GABBR2: variants seen among roughly 807,000 people sequenced by gnomAD.
The protein encoded by GABBR2 is gamma-aminobutyric acid type B receptor subunit 2, also known as G-protein coupled receptor 51.
GABBR2 carries 23 observed loss-of-function variants against 105.6 expected under a neutral mutation model. The observed-to-expected ratio is 0.22, with a 90% CI of 0.16 to 0.31. GABBR2 has a LOEUF of 0.31. Among genes scored for constraint, GABBR2 ranks in the 10% least tolerant of loss-of-function variants. The probability of loss-of-function intolerance (pLI) is 1.00; values close to 1 mark genes in which losing one functional copy is unlikely to be tolerated. For missense variants in GABBR2, 734 were observed against 1,245.5 expected (o/e 0.59, Z 6.18); for synonymous variants, 478 against 499.7 (o/e 0.96, Z 0.58).
chr9:98,330,384 C>A (rs996308567), intron 13 of GABBR2, among the ~76,000 whole-genome samples: 2 of 152,210 alleles, frequency 1.3e-5, no homozygotes, highest in Non-Finnish European at 2.9e-5. Flanking sequence ...ATATTTCATA[C>A]ATGGAGGAGA....
chr9:98,563,870 T>C (rs1035780928), intron 2 of GABBR2, among the ~76,000 whole-genome samples: 1 of 152,324 alleles, frequency 6.6e-6, no homozygotes, highest in East Asian at 1.9e-4. Flanking sequence ...AATTCACAAC[T>C]AATGTAGACT....
chr9:98,487,935 A>G (rs905852030), intron 4 of GABBR2, among the ~76,000 whole-genome samples: 1 of 152,204 alleles, frequency 6.6e-6, no homozygotes, highest in African/African-American at 2.4e-5. Context: ...TAGCCAGGTG[A>G]TAATGTATTC....
At chr9:98,633,156 T>C (rs1829835776) in intron 1 of GABBR2, among the ~76,000 whole-genome samples, 1 of 152,178 alleles carries the variant, frequency 6.6e-6, no homozygotes, top group Non-Finnish European at 1.5e-5. Flanking sequence ...TCAGCTTTCA[T>C]GAGCCAGTAC....
chr9:98,510,735 T>C (rs1174838990), intron 3 of GABBR2, among the ~76,000 whole-genome samples: 1 of 151,514 alleles, frequency 6.6e-6, no homozygotes, highest in Non-Finnish European at 1.5e-5. Context: ...CCTAAATATA[T>C]ATGCACCCAA....
At chr9:98,311,044 G>T in intron 14 of GABBR2, 51 bp downstream of exon 14, 1 of 972,752 alleles carries the variant, frequency 1.0e-6, no homozygotes, top group Non-Finnish European at 1.7e-6. Flanking sequence ...GGAGACAGAG[G>T]CCCAACAAAG....
chr9:98,697,898 G>A (rs337548), intron 1 of GABBR2, among the ~76,000 whole-genome samples: 106,636 of 152,108 alleles, frequency 0.7, 38,676 homozygotes, highest in Middle Eastern at 0.84. Context: ...GTGGGCATGC[G>A]GGTCCCCATC....
rs1198468287 is a variant in GABBR2, at chr9:98,598,349, C to T, written c.322-20277G>A. Among the ~76,000 whole-genome samples the T allele has an allele frequency of 3.9e-5, 6 of 152,216 alleles. No homozygotes were observed. In the East Asian group the frequency reaches 5.8e-4, roughly 15 times the overall value. On this transcript the variant is annotated intron_variant, in intron 1 of 18. Transcript: ENST00000259455. ...ACAGGTAGAAAGTATGAGATTCATA[C>T]GCCACACCCATTGCATCCTCCACAC... is the stretch of plus-strand genomic sequence containing the variant.
At chr9:98,626,180 C>T (rs1429382389) in intron 1 of GABBR2, among the ~76,000 whole-genome samples, 3 of 152,198 alleles carry the variant, frequency 2.0e-5, no homozygotes, top group Non-Finnish European at 4.4e-5. Flanking sequence ...TTATAGGAAA[C>T]GTCCAGAATA....
chr9:98,653,107 C>A (rs1263213989), intron 1 of GABBR2, among the ~76,000 whole-genome samples: 1 of 152,258 alleles, frequency 6.6e-6, no homozygotes, highest in African/African-American at 2.4e-5. Flanking sequence ...AGCAATCCCA[C>A]TGCCTCAGCC....
At chr9:98,498,654 A>C (rs981624754) in intron 3 of GABBR2, among the ~76,000 whole-genome samples, 3 of 152,244 alleles carry the variant, frequency 2.0e-5, no homozygotes, top group Non-Finnish European at 2.9e-5. Context: ...AATGCTTGAA[A>C]TGCCTTGTGA....
At chr9:98,644,130 C>T (rs1308208939) in intron 1 of GABBR2, among the ~76,000 whole-genome samples, 1 of 152,250 alleles carries the variant, frequency 6.6e-6, no homozygotes, top group African/African-American at 2.4e-5. Context: ...TCCGGATCTT[C>T]ACATTGCCCA....
chr9:98,436,348 CATATATATATATATATATATATAT>C (rs1158239322), intron 7 of GABBR2, among the ~76,000 whole-genome samples: 302 of 7,586 alleles, frequency 0.04, 5 homozygotes, highest in Non-Finnish European at 0.07. Context: ...ACACACACAC[CATATATATATATATATATATATAT>C]ATATATATAT....
chr9:98,370,840 G>T (rs1052807368), intron 12 of GABBR2, among the ~76,000 whole-genome samples: 1 of 152,084 alleles, frequency 6.6e-6, no homozygotes, highest in Non-Finnish European at 1.5e-5. Context: ...ATACCAAACC[G>T]CACGGGTGGC....
intron 17 of GABBR2, among the ~76,000 whole-genome samples, 158 bp from the exon 18 acceptor site, chr9:98,294,060 C>T (rs1478021811): frequency 1.3e-5 from 2 of 152,126 alleles, no homozygotes; most frequent in Non-Finnish European, 2.9e-5. Flanking sequence ...AGTGGCTCTC[C>T]CGGGACCAAG....
intron 1 of GABBR2, among the ~76,000 whole-genome samples, chr9:98,618,495 TC>T (rs1375280475): frequency 3.4e-5 from 4 of 118,036 alleles, no homozygotes; most frequent in Non-Finnish European, 7.2e-5. Context: ...CATCTCTCTC[TC>T]TCTCTCTCTC....
intron 3 of GABBR2, among the ~76,000 whole-genome samples, chr9:98,538,839 C>T (rs1828232644): frequency 6.6e-6 from 1 of 152,190 alleles, no homozygotes; most frequent in Non-Finnish European, 1.5e-5. Flanking sequence ...CCAGGGCCTG[C>T]ACTCCAGCGA....
At chr9:98,676,600 T>C (rs1314672294) in intron 1 of GABBR2, among the ~76,000 whole-genome samples, 3 of 152,192 alleles carry the variant, frequency 2.0e-5, no homozygotes, top group East Asian at 1.9e-4. Flanking sequence ...GCAATTTTTT[T>C]CCCTCTTTTC....
intron 1 of GABBR2, among the ~76,000 whole-genome samples, chr9:98,580,123 G>A (rs1261199227): frequency 6.6e-6 from 1 of 152,116 alleles, no homozygotes; most frequent in Non-Finnish European, 1.5e-5. Flanking sequence ...ACCAAGTGAA[G>A]CCCTACCAAC....
In GABBR2 at chr9:98,473,299, C is replaced by T. The variant is rs780021660; in HGVS notation, c.846G>A (p.Pro282=). 20 of 1,613,498 alleles carry T rather than the reference C, an allele frequency of 1.2e-5. No individual in the cohort carries two copies. The highest frequency in any genetic ancestry group is 1.6e-4 in the Middle Eastern group (1 of 6,082). Residue 282 remains proline, a synonymous_variant, in exon 6 of 19, where the codon CCG becomes CCA. Transcript: ENST00000259455. ...MYGSKYQWII[P]GWYEPSWWEQ... The stretch of plus-strand genomic sequence containing the variant: ...CCCACCAAGAAGGCTCGTACCAGCC[C>T]GGAATGATCCACTGATATTTACTAC...
Sources: gnomAD v4.1 joint callset for allele counts (sites outside exome capture counted in the v4.1 genomes callset) on GRCh38, gnomAD v4.1.1 for gene constraint, MANE v1.5 for transcripts, NCBI Gene and HGNC (gene_info 2026-07-23, HGNC 2026-07-21) for gene names.